RCOR3: variants seen among roughly 807,000 people sequenced by gnomAD.
RCOR3 encodes REST corepressor 3.
In RCOR3, 13 loss-of-function variants were observed where a neutral mutation model predicts 64.1. That is an observed-to-expected ratio of 0.20 (90% CI 0.13 to 0.32). The LOEUF (loss-of-function observed/expected upper bound fraction) is 0.32, where lower values mean the gene tolerates loss of function less well. Ranked by LOEUF, RCOR3 falls within the 10% of genes least tolerant of loss-of-function variation. The pLI is 1.00. For synonymous variants in RCOR3, 215 were observed against 239.0 expected, an observed-to-expected ratio of 0.90 and a Z score of 0.93; for missense variants, 489 against 701.2, an observed-to-expected ratio of 0.70 and a Z score of 3.42.
chr1:211,308,675 TTTTTTTTTG>T (rs1488684716), intron 10 of RCOR3, among the ~76,000 whole-genome samples: 1,201 of 36,344 alleles, frequency 0.033, 57 homozygotes, highest in African/African-American at 0.048. Context: ...TTTTTTTTGT[TTTTTTTTTG>T]TTTTTTTTTT....
intron 2 of RCOR3, among the ~76,000 whole-genome samples, chr1:211,268,346 A>G (rs942205881): frequency 6.7e-6 from 1 of 149,194 alleles, no homozygotes; most frequent in Non-Finnish European, 1.5e-5. Context: ...TTTTAAAAAG[A>G]TATATCAAAG....
Position 211,278,137 on chromosome 1 carries a change from A to C in RCOR3, c.537A>C (p.Ala179=), listed in dbSNP as rs1343405104. ...IQQMLPDKTI[A]SLVKYYYSWK... Reference sequence around the variant, plus strand: ...TTAAGCTTCCAGATAAGACAATTGCAAGCCTTGTAAAATATTACTATTCTT... The same window carrying C: ...TTAAGCTTCCAGATAAGACAATTGCCAGCCTTGTAAAATATTACTATTCTT... Residue 179 remains alanine, a synonymous_variant, in exon 6 of 12, where the codon GCA becomes GCC. Coordinates refer to ENST00000419091, the MANE Select transcript of RCOR3 (RefSeq NM_001136223.3). 3 of 1,601,248 alleles carry C rather than the reference A, an allele frequency of 1.9e-6. No individual in the cohort carries two copies. Among genetic ancestry groups the C allele is most frequent in the Non-Finnish European group, 2.6e-6 (3 of 1,175,860 alleles).
intron 2 of RCOR3, among the ~76,000 whole-genome samples, chr1:211,262,573 T>G (rs1286598986): frequency 6.6e-6 from 1 of 152,124 alleles, no homozygotes; most frequent in Non-Finnish European, 1.5e-5. Context: ...TTTGCCCCAG[T>G]GGGTAGATTT....
Position 211,313,522 on chromosome 1 carries a change from T to C in RCOR3, c.1416T>C (p.Pro472=), listed in dbSNP as rs1246383834. 1 of 1,614,120 alleles carries C rather than the reference T, an allele frequency of 6.2e-7. No homozygotes were observed. The highest frequency in any genetic ancestry group is 8.5e-7 in the Non-Finnish European group (1 of 1,180,016). The change falls in exon 12 of 12, where the codon CCT becomes CCC. Residue 472 remains proline (P), a synonymous_variant. Coordinates refer to ENST00000419091, the MANE Select transcript of RCOR3 (RefSeq NM_001136223.3). The surrounding 1 kb of genome is among the most constrained non-coding windows in gnomAD (Gnocchi z 4.7). ...CCCCTATTGCCACTCTGAACCAGCC[T>C]CCACCACTTCTTCGTCCAACACTGC... The part of the protein sequence containing the change: ...PTAPIATLNQ[P]PPLLRPTLPA...
At chr1:211,262,186 C>G (rs1023993272) in intron 2 of RCOR3, among the ~76,000 whole-genome samples, 3 of 151,116 alleles carry the variant, frequency 2.0e-5, no homozygotes, top group African/African-American at 7.3e-5. Flanking sequence ...TACAGGCACA[C>G]GCCACCATGC....
At chr1:211,288,262 C>T (rs1157559281) in intron 7 of RCOR3, among the ~76,000 whole-genome samples, 1 of 151,382 alleles carries the variant, frequency 6.6e-6, no homozygotes, top group Non-Finnish European at 1.5e-5. Flanking sequence ...TAATCTTCAA[C>T]CTAAAATATA....
At chr1:211,296,142 G>A (rs993079913) in intron 9 of RCOR3, among the ~76,000 whole-genome samples, 5 of 152,112 alleles carry the variant, frequency 3.3e-5, no homozygotes, top group African/African-American at 1.2e-4. Context: ...ATGAAAACAA[G>A]CTAGATTATT....
rs796411948 is a variant in RCOR3, at chr1:211,314,822, G to C, written c.*1054G>C. 6.6e-6 allele frequency: 1 copy of C among 152,212 alleles called. No homozygotes were observed. Among genetic ancestry groups the C allele is most frequent in the Non-Finnish European group, 1.5e-5 (1 of 67,976 alleles). The allele number at this position is 152,212 out of a possible 1,614,324, so 9.4% of individuals were successfully genotyped here. Reference sequence around the variant, plus strand: ...AAGGTGTTTTATTGATAAATCTATTGTACTATTTGGATACATTTGTGTATT... The same window carrying C: ...AAGGTGTTTTATTGATAAATCTATTCTACTATTTGGATACATTTGTGTATT... On this transcript the variant is annotated 3_prime_UTR_variant, in exon 12 of 12. Coordinates refer to ENST00000419091, the MANE Select transcript of RCOR3 (RefSeq NM_001136223.3).
At chr1:211,259,839 C>T (rs1427416067) in intron 1 of RCOR3, 113 bp downstream of exon 1, 1 of 1,079,032 alleles carries the variant, frequency 9.3e-7, no homozygotes, top group Non-Finnish European at 1.2e-6. Flanking sequence ...AGCCTGGGCG[C>T]TGCGGTAGCC....
At chr1:211,283,298 A>T (rs1407361432) in intron 7 of RCOR3, among the ~76,000 whole-genome samples, 1 of 152,244 alleles carries the variant, frequency 6.6e-6, no homozygotes, top group Non-Finnish European at 1.5e-5. Context: ...ACTATACTGA[A>T]GTGCAAAGCA....
intron 2 of RCOR3, among the ~76,000 whole-genome samples, chr1:211,267,587 T>C (rs1436891145): frequency 1.3e-5 from 2 of 152,182 alleles, no homozygotes; most frequent in African/African-American, 4.8e-5. Context: ...ATAATGTTTT[T>C]GAAACTTATT....
At chr1:211,289,482 T>G (rs1446724228) in intron 8 of RCOR3, 86 bp downstream of exon 8, 1 of 1,117,740 alleles carries the variant, frequency 8.9e-7, no homozygotes, top group Non-Finnish European at 1.3e-6. Flanking sequence ...CTCAGTTGTT[T>G]GCAGATTTTT....
chr1:211,289,822 A>G lies in RCOR3; in HGVS notation c.939+426A>G, dbSNP rs138506978. ...TCAGTAGTAGTACTAGTAGTATTGTAAGGGCAGCATCATCATAATCAGATA... is the reference window on the plus strand; with the variant it reads ...TCAGTAGTAGTACTAGTAGTATTGTGAGGGCAGCATCATCATAATCAGATA... On this transcript the variant is annotated intron_variant, in intron 8 of 11. Transcript: ENST00000419091. 1.6e-3 allele frequency among the ~76,000 whole-genome samples: 250 copies of G among 152,282 alleles called. 1 individual carries two copies. Among genetic ancestry groups the G allele is most frequent in the African/African-American group, 5.8e-3 (243 of 41,552 alleles).
intron 7 of RCOR3, among the ~76,000 whole-genome samples, chr1:211,287,736 C>T (rs1698719305): frequency 6.6e-6 from 1 of 152,102 alleles, no homozygotes; most frequent in Admixed American, 6.6e-5. Flanking sequence ...CAAAAATTAG[C>T]TGGGCATGGT....
intron 2 of RCOR3, among the ~76,000 whole-genome samples, chr1:211,269,970 G>GA (rs2102461556): frequency 6.6e-6 from 1 of 151,804 alleles, no homozygotes; most frequent in East Asian, 1.9e-4. Flanking sequence ...TGTTTAAAAA[G>GA]AAAGAAAGAA....
intron 10 of RCOR3, among the ~76,000 whole-genome samples, chr1:211,308,672 TGTTTTTTTTTTG>T (rs1306065850): frequency 0.08 from 3,941 of 49,102 alleles, 259 homozygotes; most frequent in Middle Eastern, 0.16. Flanking sequence ...TTTTTTTTTT[TGTTTTTTTTTTG>T]TTTTTTTTTT....
chr1:211,266,357 G>C (rs554804449), intron 2 of RCOR3, among the ~76,000 whole-genome samples: 75 of 152,082 alleles, frequency 4.9e-4, no homozygotes, highest in African/African-American at 1.7e-3. Context: ...AGAAATCCTA[G>C]TTTATCGAAT....
chr1:211,287,826 C>T (rs1331545741), intron 7 of RCOR3, among the ~76,000 whole-genome samples: 4 of 151,854 alleles, frequency 2.6e-5, no homozygotes, highest in Admixed American at 6.6e-5. Flanking sequence ...TACAGTGAGC[C>T]GAGATCGTGC....
chr1:211,269,090 C>T (rs1695723575), intron 2 of RCOR3, among the ~76,000 whole-genome samples: 1 of 152,152 alleles, frequency 6.6e-6, no homozygotes, highest in African/African-American at 2.4e-5. Context: ...TAAAGGATTA[C>T]AGTTTAACCT....
Sources: allele counts gnomAD v4.1 joint callset (sites outside exome capture counted in the v4.1 genomes callset), GRCh38; gene constraint gnomAD v4.1.1; non-coding constraint Gnocchi (gnomAD v3.1); transcripts MANE v1.5; gene names NCBI Gene and HGNC (gene_info 2026-07-23, HGNC 2026-07-21).